Variants in DKK2 observed in about 807,000 individuals in gnomAD.
DKK2 encodes the protein dickkopf Wnt signaling pathway inhibitor 2, also known as dickkopf-related protein 2.
A neutral mutation model predicts 28.1 loss-of-function variants in DKK2; 11 were observed. The observed-to-expected ratio is 0.39, with a 90% CI of 0.25 to 0.65. The LOEUF (loss-of-function observed/expected upper bound fraction) is 0.65, where lower values mean the gene tolerates loss of function less well. Ranked by LOEUF, DKK2 falls within the 30% of genes least tolerant of loss-of-function variation. DKK2 has a pLI of 0.47. For missense variants in DKK2, 326 were observed against 335.5 expected, an observed-to-expected ratio of 0.97 and a Z score of 0.22; for synonymous variants, 135 against 126.5, an observed-to-expected ratio of 1.07 and a Z score of -0.45.
chr4:107,020,379 T>C (rs1022648055), intron 1 of DKK2, among the ~76,000 whole-genome samples: 2 of 152,046 alleles, frequency 1.3e-5, no homozygotes, highest in Admixed American at 6.6e-5. Context: ...TGGAAAGTGA[T>C]GGGAAGACAG....
At chr4:107,033,800 T>A (rs1040104120) in intron 1 of DKK2, among the ~76,000 whole-genome samples, 3 of 152,100 alleles carry the variant, frequency 2.0e-5, no homozygotes, top group Admixed American at 6.5e-5. Flanking sequence ...TAATCCCTGT[T>A]CCATTTCATG....
intron 1 of DKK2, among the ~76,000 whole-genome samples, chr4:106,986,572 A>G (rs1441321431): frequency 6.6e-6 from 1 of 152,224 alleles, no homozygotes; most frequent in East Asian, 1.9e-4. Context: ...ATAGTGTGGA[A>G]TAACAGTTTA....
intron 1 of DKK2, among the ~76,000 whole-genome samples, chr4:106,948,671 CTG>C (rs1724813885): frequency 6.6e-6 from 1 of 152,150 alleles, no homozygotes; most frequent in Admixed American, 6.5e-5. Flanking sequence ...AACTGATTAA[CTG>C]TGTAAGTTTG....
chr4:106,942,411 TAA>T (rs2110344112), intron 1 of DKK2, among the ~76,000 whole-genome samples: 1 of 152,262 alleles, frequency 6.6e-6, no homozygotes, highest in East Asian at 1.9e-4. Context: ...CTAGTCTATT[TAA>T]AGAGTATACT....
At chr4:106,983,442 C>G (rs1343413975) in intron 1 of DKK2, among the ~76,000 whole-genome samples, 1 of 151,932 alleles carries the variant, frequency 6.6e-6, no homozygotes, top group Non-Finnish European at 1.5e-5. Context: ...CAAGAATTAA[C>G]TCAAAAGTAT....
At chr4:106,963,798 T>A (rs537390293) in intron 1 of DKK2, among the ~76,000 whole-genome samples, 2 of 152,326 alleles carry the variant, frequency 1.3e-5, no homozygotes, top group African/African-American at 4.8e-5. Context: ...ATGGATGAAT[T>A]GATAAAGAAA....
At chr4:107,010,840 T>TA (rs925713505) in intron 1 of DKK2, among the ~76,000 whole-genome samples, 22 of 150,800 alleles carry the variant, frequency 1.5e-4, no homozygotes, top group African/African-American at 2.2e-4. Context: ...TATTAGAAAA[T>TA]AAAAAAAATT....
intron 1 of DKK2, among the ~76,000 whole-genome samples, chr4:106,968,290 C>T (rs916474805): frequency 2.6e-5 from 4 of 152,066 alleles, no homozygotes; most frequent in Admixed American, 2.0e-4. Flanking sequence ...CATCTACTAC[C>T]GTGGCTCCTT....
chr4:106,938,444 C>G (rs1724635340), intron 1 of DKK2, among the ~76,000 whole-genome samples: 1 of 152,096 alleles, frequency 6.6e-6, no homozygotes, highest in Admixed American at 6.5e-5. Context: ...CTGAATAGAC[C>G]AATAACAGGA....
In DKK2 at chr4:107,027,988, G is replaced by A. The variant is rs1015880941; in HGVS notation, c.222+7382C>T. 5.3e-5 allele frequency among the ~76,000 whole-genome samples: 8 copies of A among 151,900 alleles called. No homozygotes were observed. The East Asian group carries it at 9.7e-4, about 18-fold the overall frequency. Reference sequence around the variant, plus strand: ...AGGATGGTCTCGATCTCCTGACCTCGTGATCCGCCCGCCTCAGCCTCCCAA... The same window carrying A: ...AGGATGGTCTCGATCTCCTGACCTCATGATCCGCCCGCCTCAGCCTCCCAA... On this transcript the variant is annotated intron_variant, in intron 1 of 3. Coordinates refer to ENST00000285311, the MANE Select transcript of DKK2 (RefSeq NM_014421.3).
Position 106,924,669 on chromosome 4 carries a change from T to A in DKK2, c.405A>T (p.Leu135Phe), listed in dbSNP as rs1307930803. The A allele has an allele frequency of 6.2e-7, 1 of 1,613,774 alleles. No individual in the cohort carries two copies. The highest frequency in any genetic ancestry group is 8.5e-7 in the Non-Finnish European group (1 of 1,179,800). The stretch of plus-strand genomic sequence containing the variant: ...CATCCAGAGCCGGGATGTGAGGGGT[T>A]AAGATGCTTTCAGTAACTGGGATAC... ...GICIPVTESI[L>F]TPHIPALDGT... The change falls in exon 3 of 4, where the codon TTA (leucine) becomes TTT (phenylalanine). Residue 135 changes from leucine to phenylalanine, a missense_variant. Leu to Phe is a conservative substitution (Grantham distance 22, BLOSUM62 0). Coordinates refer to ENST00000285311, the MANE Select transcript of DKK2 (RefSeq NM_014421.3).
intron 1 of DKK2, among the ~76,000 whole-genome samples, chr4:106,985,113 G>A (rs1258506910): frequency 6.6e-6 from 1 of 151,478 alleles, no homozygotes; most frequent in Non-Finnish European, 1.5e-5. Context: ...GCAGGCTGAG[G>A]CAGGAGAATG....
At position 107,035,967 on chromosome 4, in the gene DKK2, G is replaced by A; in HGVS notation, c.-376C>T. 1 of 278,116 alleles carries A rather than the reference G, an allele frequency of 3.6e-6. No individual in the cohort carries two copies. The highest frequency in any genetic ancestry group is 8.9e-5 in the East Asian group (1 of 11,290). 17.2% of individuals were successfully genotyped at this position (278,116 alleles called of 1,614,324 possible). On this transcript the variant is annotated 5_prime_UTR_variant, in exon 1 of 4. Coordinates refer to ENST00000285311, the MANE Select transcript of DKK2 (RefSeq NM_014421.3). ...TCCTTGGTCCCGCCGGGATCTCGGCGGTTTAACTCTCCTCTTAATTGATCA... is the reference window on the plus strand; with the variant it reads ...TCCTTGGTCCCGCCGGGATCTCGGCAGTTTAACTCTCCTCTTAATTGATCA...
At chr4:106,955,232 C>T (rs1722572498) in intron 1 of DKK2, among the ~76,000 whole-genome samples, 1 of 151,878 alleles carries the variant, frequency 6.6e-6, no homozygotes, top group African/African-American at 2.4e-5. Flanking sequence ...ATGTTTAATG[C>T]CCTCCCAAAA....
At chr4:107,014,926 A>G (rs571916836) in intron 1 of DKK2, among the ~76,000 whole-genome samples, 15 of 151,620 alleles carry the variant, frequency 9.9e-5, no homozygotes, top group African/African-American at 2.2e-4. Flanking sequence ...TTATTCACCA[A>G]TGTTAACTCC....
At chr4:106,949,399 TG>T (rs1041887042) in intron 1 of DKK2, among the ~76,000 whole-genome samples, 1 of 152,180 alleles carries the variant, frequency 6.6e-6, no homozygotes, top group Non-Finnish European at 1.5e-5. Context: ...CTCTTCTCTG[TG>T]GGTGGGTGGC....
At chr4:107,015,148 G>T (rs551560864) in intron 1 of DKK2, among the ~76,000 whole-genome samples, 21 of 151,562 alleles carry the variant, frequency 1.4e-4, no homozygotes, top group African/African-American at 4.6e-4. Flanking sequence ...ATAAGATATT[G>T]CCAAGTGATT....
chr4:106,929,993 G>A (rs1322850949), intron 1 of DKK2, among the ~76,000 whole-genome samples: 1 of 152,100 alleles, frequency 6.6e-6, no homozygotes, highest in East Asian at 1.9e-4. Flanking sequence ...CCTATGTGCT[G>A]AAGTTAGAGG....
chr4:106,939,693 A>G (rs1724662312), intron 1 of DKK2, among the ~76,000 whole-genome samples: 1 of 152,128 alleles, frequency 6.6e-6, no homozygotes, highest in Non-Finnish European at 1.5e-5. Context: ...GCATCACACT[A>G]CCTGACTTCA....
Sources: allele counts gnomAD v4.1 joint callset (sites outside exome capture counted in the v4.1 genomes callset), GRCh38; gene constraint gnomAD v4.1.1; transcripts MANE v1.5; gene names NCBI Gene and HGNC (gene_info 2026-07-23, HGNC 2026-07-21).